Variants in POU2F1 observed in about 807,000 individuals in gnomAD.
POU2F1 encodes POU class 2 homeobox 1.
Under a neutral mutation model 84.9 loss-of-function variants are expected in POU2F1, and 16 were observed. The observed-to-expected ratio is 0.19, with a 90% CI of 0.13 to 0.29. The LOEUF is 0.29. POU2F1 is among the 10% of genes least tolerant of loss of function. The probability of loss-of-function intolerance (pLI) is 1.00; values close to 1 mark genes in which losing one functional copy is unlikely to be tolerated. For missense variants in POU2F1, 738 were observed against 942.6 expected (o/e 0.78, Z 2.84); for synonymous variants, 368 against 368.3 (o/e 1.00, Z 0.01).
At chr1:167,302,420 C>T (rs1158059777) in intron 1 of POU2F1, among the ~76,000 whole-genome samples, 1 of 152,052 alleles carries the variant, frequency 6.6e-6, no homozygotes, top group East Asian at 1.9e-4. Flanking sequence ...ATCACCATGC[C>T]TGGCTAATTT....
intron 1 of POU2F1, among the ~76,000 whole-genome samples, chr1:167,245,652 A>G (rs1650261412): frequency 6.6e-6 from 1 of 152,040 alleles, no homozygotes; most frequent in African/African-American, 2.4e-5. Flanking sequence ...ACCTCAGGTG[A>G]TCCGCCCACC....
At chr1:167,316,596 A>T (rs1206620525) in intron 1 of POU2F1, among the ~76,000 whole-genome samples, 1 of 152,242 alleles carries the variant, frequency 6.6e-6, no homozygotes, top group Non-Finnish European at 1.5e-5. Context: ...ATTAGTCTGA[A>T]GAATAATTAA....
chr1:167,412,119 C>A lies in POU2F1; in HGVS notation c.1716C>A (p.Thr572=). The part of the protein sequence containing the change: ...SASETSTTQT[T]STPLSSPLGT... Reference sequence around the variant, plus strand: ...GTGAGACCAGCACAACACAGACCACCTCCACTCCTTTGTCCTCCCCTCTTG... The same window carrying A: ...GTGAGACCAGCACAACACAGACCACATCCACTCCTTTGTCCTCCCCTCTTG... Residue 572 remains threonine, a synonymous_variant, in exon 14 of 16, where the codon ACC becomes ACA. Coordinates refer to ENST00000367866, the MANE Select transcript of POU2F1 (RefSeq NM_002697.4). The A allele has an allele frequency of 6.2e-7, 1 of 1,614,206 alleles. No homozygotes were observed. Among genetic ancestry groups the A allele is most frequent in the Non-Finnish European group, 8.5e-7 (1 of 1,180,034 alleles).
At chr1:167,369,842 C>G (rs1659898297) in intron 3 of POU2F1, among the ~76,000 whole-genome samples, 1 of 152,116 alleles carries the variant, frequency 6.6e-6, no homozygotes, top group South Asian at 2.1e-4. Context: ...TTTTTAGAAT[C>G]TTAAGCATTC....
intron 13 of POU2F1, among the ~76,000 whole-genome samples, chr1:167,401,879 A>C (rs1037687761): frequency 3.3e-5 from 5 of 152,212 alleles, no homozygotes; most frequent in Admixed American, 1.3e-4. Flanking sequence ...TACAATGGAA[A>C]TGTCCATCTT....
intron 1 of POU2F1, among the ~76,000 whole-genome samples, chr1:167,244,693 C>A (rs1257001628): frequency 6.6e-6 from 1 of 152,210 alleles, no homozygotes; most frequent in Non-Finnish European, 1.5e-5. Context: ...ACAAATCCAC[C>A]TATCACCTAC....
intron 1 of POU2F1, among the ~76,000 whole-genome samples, chr1:167,265,254 G>C (rs1419841045): frequency 2.6e-5 from 4 of 152,186 alleles, no homozygotes. Context: ...GATGGTGGCT[G>C]AGACAAAGAT....
intron 2 of POU2F1, 128 bp downstream of exon 2, chr1:167,332,663 C>T: frequency 1.5e-6 from 1 of 655,670 alleles, no homozygotes. Context: ...AAATATGATT[C>T]AGTCCTTTAG....
At chr1:167,325,673 C>CT (rs1488614655) in intron 1 of POU2F1, among the ~76,000 whole-genome samples, 1 of 151,988 alleles carries the variant, frequency 6.6e-6, no homozygotes, top group East Asian at 1.9e-4. Flanking sequence ...GGGCGAATCA[C>CT]GAGGTCAGGA....
chr1:167,311,780 AT>A (rs912639552), intron 1 of POU2F1, among the ~76,000 whole-genome samples: 23 of 147,912 alleles, frequency 1.6e-4, no homozygotes, highest in Non-Finnish European at 3.0e-4. Flanking sequence ...TCATTTATTT[AT>A]TTATTTATTT....
chr1:167,299,573 A>C (rs1416219159), intron 1 of POU2F1, among the ~76,000 whole-genome samples: 1 of 152,122 alleles, frequency 6.6e-6, no homozygotes, highest in African/African-American at 2.4e-5. Flanking sequence ...ATAAACAAAC[A>C]CTTGATTTTC....
At chr1:167,320,292 G>A (rs755333328) in intron 1 of POU2F1, among the ~76,000 whole-genome samples, 6 of 152,184 alleles carry the variant, frequency 3.9e-5, no homozygotes, top group East Asian at 1.9e-4. Context: ...AGTATAGGGC[G>A]TCTGGAAAAC....
chr1:167,411,907 T>C (rs1649989430), intron 13 of POU2F1, 52 bp from the exon 14 acceptor site: 22 of 1,519,174 alleles, frequency 1.4e-5, no homozygotes, highest in Non-Finnish European at 2.0e-5. Context: ...AAGCCACCAT[T>C]CTTCCAAAAC....
intron 1 of POU2F1, among the ~76,000 whole-genome samples, chr1:167,321,755 T>TC (rs1479026607): frequency 2.0e-5 from 3 of 152,212 alleles, no homozygotes; most frequent in Non-Finnish European, 4.4e-5. Context: ...ACTTTGTCTT[T>TC]CTACTTGAAG....
At chr1:167,331,397 A>C (rs911260102) in intron 1 of POU2F1, among the ~76,000 whole-genome samples, 1 of 152,078 alleles carries the variant, frequency 6.6e-6, no homozygotes, top group Non-Finnish European at 1.5e-5. Flanking sequence ...GTTTAAGCAG[A>C]TGAAAAAATG....
At chr1:167,290,401 A>C (rs542552488) in intron 1 of POU2F1, among the ~76,000 whole-genome samples, 5 of 152,340 alleles carry the variant, frequency 3.3e-5, no homozygotes, top group African/African-American at 1.2e-4. Context: ...TGTCTCAAAA[A>C]AAAGTGTAGC....
intron 6 of POU2F1, among the ~76,000 whole-genome samples, chr1:167,375,096 C>T (rs1460919105): frequency 3.3e-5 from 5 of 151,708 alleles, no homozygotes; most frequent in African/African-American, 9.7e-5. Context: ...AATCTTTAAT[C>T]TCAAGAAGAG....
chr1:167,412,339 T>G, intron 14 of POU2F1, 35 bp downstream of exon 14: 1 of 1,478,720 alleles, frequency 6.8e-7, no homozygotes, highest in South Asian at 1.3e-5. Flanking sequence ...ACGTCTGAGG[T>G]GGAGGTCATC....
intron 1 of POU2F1, among the ~76,000 whole-genome samples, chr1:167,311,323 G>A (rs1482642008): frequency 1.3e-5 from 2 of 152,038 alleles, no homozygotes; most frequent in Non-Finnish European, 2.9e-5. Flanking sequence ...GGAGGCCAAG[G>A]CATATTTTTC....
Sources: allele counts gnomAD v4.1 joint callset (sites outside exome capture counted in the v4.1 genomes callset), GRCh38; gene constraint gnomAD v4.1.1; transcripts MANE v1.5; gene names NCBI Gene and HGNC (gene_info 2026-07-23, HGNC 2026-07-21).